The following ZNF445 variants were observed in gnomAD, a reference collection of about 807,000 sequenced individuals.
ZNF445 encodes zinc finger protein 445.
Under a neutral mutation model 93.9 loss-of-function variants are expected in ZNF445, and 19 were observed. The ratio of observed to expected loss-of-function variants is 0.20; its 90% CI spans 0.14 to 0.30. The LOEUF (loss-of-function observed/expected upper bound fraction) is 0.30. ZNF445 is among the 10% of genes least tolerant of loss of function. The probability of loss-of-function intolerance (pLI) is 1.00; values close to 1 mark genes in which losing one functional copy is unlikely to be tolerated. For missense variants in ZNF445, 1,058 were observed against 1,259.4 expected (o/e 0.84, Z 2.42); for synonymous variants, 449 against 446.3 (o/e 1.01, Z -0.08).
intron 1 of ZNF445, among the ~76,000 whole-genome samples, chr3:44,463,857 G>A (rs532060425): frequency 6.6e-6 from 1 of 151,774 alleles, no homozygotes; most frequent in African/African-American, 2.4e-5. Context: ...ACTGGTCATG[G>A]TAGCTCATGC....
Position 44,448,235 on chromosome 3 carries a change from T to A in ZNF445, c.1436A>T (p.His479Leu). 1 of 1,614,208 alleles carries A rather than the reference T, an allele frequency of 6.2e-7. No individual in the cohort carries two copies. Among genetic ancestry groups the A allele is most frequent in the Middle Eastern group, 1.6e-4 (1 of 6,062 alleles). The change falls in exon 8 of 8, where the codon CAC becomes CTC. Residue 479 changes from histidine to leucine, a missense_variant. Transcript: ENST00000396077. Reference protein sequence around the residue: ...SSHHQRGQSLHTVGVSFKCSD... With the variant: ...SSHHQRGQSLLTVGVSFKCSD... ...GCACTTAAATGACACTCCCACTGTGTGAAGACTCTGCCCACGTTGGTGATG... is the reference window on the plus strand; with the variant it reads ...GCACTTAAATGACACTCCCACTGTGAGAAGACTCTGCCCACGTTGGTGATG...
rs1559392359 is a variant in ZNF445, at chr3:44,448,612, T to C, written c.1059A>G (p.Glu353=). Residue 353 remains glutamate (E), a synonymous_variant, in exon 8 of 8, where the codon GAA becomes GAG. Coordinates refer to ENST00000396077, the MANE Select transcript of ZNF445 (RefSeq NM_181489.6). The stretch of plus-strand genomic sequence containing the variant: ...TCTGCCTGCTCTTCTGTTGAAAAGA[T>C]TCTCTGAGCCCAATTCCCTCAGAAA... The part of the protein sequence containing the change: ...TSVSEGIGLR[E]SFQQKSRQKD... 2 of 1,614,208 alleles carry C rather than the reference T, an allele frequency of 1.2e-6. No homozygotes were observed. The highest frequency in any genetic ancestry group is 1.3e-5 in the African/African-American group (1 of 75,070).
rs1697573325 is a variant in ZNF445 at position 44,432,310 on chromosome 3, G to GT, written c.*14264_*14265insA. 4.3e-5 allele frequency: 5 copies of GT among 116,002 alleles called. No individual in the cohort carries two copies. The highest frequency in any genetic ancestry group is 2.7e-4 in the South Asian group (1 of 3,710). The allele number at this position is 116,002 out of a possible 1,614,324, so 7.2% of individuals were successfully genotyped here. On this transcript the variant is annotated 3_prime_UTR_variant, in exon 8 of 8. Coordinates refer to ENST00000396077, the MANE Select transcript of ZNF445 (RefSeq NM_181489.6). ...GTGTGTGTGTGTGTGTGTGTGTGTGGATGGAGATAGAGAGAGAGGGATTTA... is the reference window on the plus strand; with the variant it reads ...GTGTGTGTGTGTGTGTGTGTGTGTGGTATGGAGATAGAGAGAGAGGGATTTA...
Position 44,476,369 on chromosome 3 carries a change from C to CT in ZNF445, c.-269+1221dup, listed in dbSNP as rs35308661. On this transcript the variant is annotated intron_variant, in intron 1 of 7. Coordinates refer to ENST00000396077, the MANE Select transcript of ZNF445 (RefSeq NM_181489.6). ...CTCATCTTTTCGGCTTACAGTAAGA[C>CT]TTTTTTTTTTTTCTAACCAAAATGT... is the stretch of plus-strand genomic sequence containing the variant. 3.2e-4 allele frequency among the ~76,000 whole-genome samples: 48 copies of CT among 148,430 alleles called. 1 individual carries two copies. Among genetic ancestry groups the CT allele is most frequent in the East Asian group, 7.9e-4 (4 of 5,032 alleles).
intron 1 of ZNF445, among the ~76,000 whole-genome samples, chr3:44,468,780 C>G (rs1337717498): frequency 6.6e-6 from 1 of 151,952 alleles, no homozygotes; most frequent in Non-Finnish European, 1.5e-5. Flanking sequence ...TTCCCCCAAC[C>G]CACCAAGTTA....
intron 4 of ZNF445, 100 bp downstream of exon 4, chr3:44,451,211 CAGA>C (rs1697952519): frequency 2.1e-6 from 3 of 1,422,096 alleles, no homozygotes; most frequent in Non-Finnish European, 2.9e-6. Context: ...AGGGCCAGGA[CAGA>C]AGGAGATTCT....
In ZNF445 at chr3:44,475,342, G is replaced by A. The variant is rs982332969; in HGVS notation, c.-269+2249C>T. Reference sequence around the variant, plus strand: ...GCCTCCCAAGTAGCTGGGATTACAGGTGCCCGCCACCATGCCCAGCTAATT... The same window carrying A: ...GCCTCCCAAGTAGCTGGGATTACAGATGCCCGCCACCATGCCCAGCTAATT... On this transcript the variant is annotated intron_variant, in intron 1 of 7. Coordinates refer to ENST00000396077, the MANE Select transcript of ZNF445 (RefSeq NM_181489.6). 1.0e-3 allele frequency among the ~76,000 whole-genome samples: 158 copies of A among 151,982 alleles called. 1 individual carries two copies. The highest frequency in any genetic ancestry group is 3.7e-3 in the African/African-American group (153 of 41,486).
chr3:44,451,175 G>T (rs1697951818), intron 4 of ZNF445, 139 bp downstream of exon 4: 1 of 1,186,956 alleles, frequency 8.4e-7, no homozygotes, highest in Non-Finnish European at 1.2e-6. Context: ...ATAGGTTATA[G>T]AATGGATGGA....
intron 1 of ZNF445, among the ~76,000 whole-genome samples, chr3:44,474,034 C>T (rs1698309104): frequency 1.3e-5 from 2 of 152,168 alleles, no homozygotes; most frequent in South Asian, 4.1e-4. Context: ...GTAGTCATTG[C>T]TGCAGGCAAG....
chr3:44,447,139 T>C lies in ZNF445; in HGVS notation c.2532A>G (p.Glu844=), dbSNP rs148239837. Residue 844 remains glutamate (E), a synonymous_variant, in exon 8 of 8, where the codon GAA becomes GAG. Coordinates refer to ENST00000396077, the MANE Select transcript of ZNF445 (RefSeq NM_181489.6). This position sits in a 1 kb window ranked among gnomAD's most constrained non-coding sequence, Gnocchi z 4.7. ...LTGEKRFWCQ[E]CGKTFTRKRT... ...TTTTACGTGTAAAGGTTTTCCCACA[T>C]TCTTGACACCAAAAACGTTTCTCAC... is the stretch of plus-strand genomic sequence containing the variant. 1 of 1,614,240 alleles carries C rather than the reference T, an allele frequency of 6.2e-7. No individual in the cohort carries two copies. The highest frequency in any genetic ancestry group is 1.3e-5 in the African/African-American group (1 of 75,060).
intron 1 of ZNF445, among the ~76,000 whole-genome samples, chr3:44,463,016 TGTGTGTGTG>T (rs1402090738): frequency 1.1e-3 from 14 of 13,008 alleles, no homozygotes; most frequent in Non-Finnish European, 1.9e-3. Flanking sequence ...TTTCTTTGTG[TGTGTGTGTG>T]TGTGTGTGTG....
At chr3:44,464,929 T>C (rs934858561) in intron 1 of ZNF445, among the ~76,000 whole-genome samples, 1 of 151,868 alleles carries the variant, frequency 6.6e-6, no homozygotes, top group Non-Finnish European at 1.5e-5. Context: ...TAGCTGAGCA[T>C]GGTGGCATGC....
rs530034869 is a variant in ZNF445, at chr3:44,451,243, G to A, written c.598+71C>T. ...AGATTCTCATGAGAGGACAGATGTGGAAAGACAACACTACAGGAAATGCAA... is the reference window on the plus strand; with the variant it reads ...AGATTCTCATGAGAGGACAGATGTGAAAAGACAACACTACAGGAAATGCAA... On this transcript the variant is annotated intron_variant, in intron 4 of 7. Coordinates refer to ENST00000396077, the MANE Select transcript of ZNF445 (RefSeq NM_181489.6). 8 of 1,545,878 alleles carry A rather than the reference G, an allele frequency of 5.2e-6. No homozygotes were observed. In the African/African-American group the frequency reaches 1.1e-4, roughly 21 times the overall value.
rs1001013757 is a variant in ZNF445 at position 44,442,069 on chromosome 3, A to C, written c.*4506T>G. 2.0e-5 allele frequency: 3 copies of C among 152,150 alleles called. No individual in the cohort carries two copies. Among genetic ancestry groups the C allele is most frequent in the African/African-American group, 7.2e-5 (3 of 41,412 alleles). The allele number at this position is 152,150 out of a possible 1,614,324, so 9.4% of individuals were successfully genotyped here. On this transcript the variant is annotated 3_prime_UTR_variant, in exon 8 of 8. Transcript: ENST00000396077. ...CCATTTTACAGAAAAAGTGAAAAACAAGTTGAAGTAACGTGCCCACAGGTA... is the reference window on the plus strand; with the variant it reads ...CCATTTTACAGAAAAAGTGAAAAACCAGTTGAAGTAACGTGCCCACAGGTA...
In ZNF445 at chr3:44,460,820, C is replaced by T. The variant is rs1026235807; in HGVS notation, c.-268-2456G>A. 7.9e-5 allele frequency among the ~76,000 whole-genome samples: 12 copies of T among 152,346 alleles called. No homozygotes were observed. In the South Asian group the frequency reaches 1.2e-3, roughly 16 times the overall value. Reference sequence around the variant, plus strand: ...TGATGAATCAGCTCTGTCTAAGCAGCAGGCAAAGTTTACTCCTTGGGCGGT... The same window carrying T: ...TGATGAATCAGCTCTGTCTAAGCAGTAGGCAAAGTTTACTCCTTGGGCGGT... On this transcript the variant is annotated intron_variant, in intron 1 of 7. Coordinates refer to ENST00000396077, the MANE Select transcript of ZNF445 (RefSeq NM_181489.6).
At chr3:44,467,187 T>C (rs1418309719) in intron 1 of ZNF445, among the ~76,000 whole-genome samples, 2 of 152,240 alleles carry the variant, frequency 1.3e-5, no homozygotes, top group Non-Finnish European at 2.9e-5. Flanking sequence ...TTTAGAGCTA[T>C]TTGCAACTTT....
rs773717560 is a variant in ZNF445, at chr3:44,473,486, CACACAA to C, written c.-269+4099_-269+4104del. 0.022 allele frequency among the ~76,000 whole-genome samples: 1,369 copies of C among 61,606 alleles called. 17 individuals are homozygous for C. In the East Asian group the frequency reaches 0.29, roughly 13 times the overall value. The allele number at this position is 61,606 out of a possible 152,430, so 40.4% of individuals were successfully genotyped here. A position where few individuals can be genotyped will look rare whatever the true frequency, so the allele number is the denominator to read the frequency against. On this transcript the variant is annotated intron_variant, in intron 1 of 7. Coordinates refer to ENST00000396077, the MANE Select transcript of ZNF445 (RefSeq NM_181489.6). Reference sequence around the variant, plus strand: ...ACACACACACACACACACACACACACACACAAAAAATGCTTTCAGTATATATTTAAA... The same window carrying C: ...ACACACACACACACACACACACACACAAAATGCTTTCAGTATATATTTAAA...
intron 1 of ZNF445, among the ~76,000 whole-genome samples, chr3:44,463,226 G>A (rs141557401): frequency 6.6e-6 from 1 of 152,110 alleles, no homozygotes; most frequent in East Asian, 1.9e-4. Context: ...TAGTAGAGAT[G>A]GGGTTTCACC....
chr3:44,449,988 T>A (rs567467088), intron 6 of ZNF445: 1 of 297,382 alleles, frequency 3.4e-6, no homozygotes, highest in African/African-American at 2.2e-5. Context: ...TTACCCAAGC[T>A]GGAGTGCAGT....
Sources: gnomAD v4.1 joint callset for allele counts (sites outside exome capture counted in the v4.1 genomes callset) on GRCh38, gnomAD v4.1.1 for gene constraint, Gnocchi (gnomAD v3.1) non-coding constraint, MANE v1.5 for transcripts, NCBI Gene and HGNC (gene_info 2026-07-23, HGNC 2026-07-21) for gene names.